CDH1: variants seen among roughly 807,000 people sequenced by gnomAD.
CDH1 encodes cadherin-1.
Under a neutral mutation model 84.5 loss-of-function variants are expected in CDH1, and 35 were observed. The ratio of observed to expected loss-of-function variants is 0.41; its 90% confidence interval spans 0.32 to 0.55. The LOEUF (loss-of-function observed/expected upper bound fraction) is 0.55. CDH1 is among the 20% of genes least tolerant of loss of function. The pLI, the probability that CDH1 is intolerant of heterozygous loss-of-function variation, is 0.19. For missense variants in CDH1, 994 were observed against 1,126.6 expected, an observed-to-expected ratio of 0.88 and a Z score of 1.68; for synonymous variants, 417 against 439.0, an observed-to-expected ratio of 0.95 and a Z score of 0.63.
At chr16:68,799,110 G>A (rs936917842) in intron 2 of CDH1, among the ~76,000 whole-genome samples, 2 of 152,198 alleles carry the variant, frequency 1.3e-5, no homozygotes, top group African/African-American at 4.8e-5. Context: ...GGCCCATAGA[G>A]GTTTAGCAAT....
At chr16:68,818,560 G>C (rs1184511818) in intron 10 of CDH1, among the ~76,000 whole-genome samples, 1 of 146,064 alleles carries the variant, frequency 6.8e-6, no homozygotes, top group Non-Finnish European at 1.5e-5. Flanking sequence ...TTTAAAGACG[G>C]AGTTTCGGCC....
At chr16:68,780,411 C>T (rs1476966546) in intron 2 of CDH1, among the ~76,000 whole-genome samples, 2 of 152,154 alleles carry the variant, frequency 1.3e-5, no homozygotes, top group African/African-American at 4.8e-5. Flanking sequence ...AAGTGATTCT[C>T]TCCTGCCTCA....
chr16:68,788,080 G>A (rs1960113395), intron 2 of CDH1, among the ~76,000 whole-genome samples: 1 of 152,126 alleles, frequency 6.6e-6, no homozygotes, highest in South Asian at 2.1e-4. Context: ...GCCCTCCTTG[G>A]CCTCCCAAAG....
chr16:68,815,642 C>G lies in CDH1; in HGVS notation c.1448C>G (p.Ala483Gly), dbSNP rs1960964468. 6.2e-7 allele frequency: 1 copy of G among 1,614,078 alleles called. No individual in the cohort carries two copies. Among genetic ancestry groups the G allele is most frequent in the Admixed American group, 1.7e-5 (1 of 60,002 alleles). ...GTGGATGTGCTGGATGTGAATGAAG[C>G]CCCCATCTTTGTGCCTCCTGAAAAG... ...VTVDVLDVNE[A>G]PIFVPPEKRV... The change falls in exon 10 of 16, where the codon GCC becomes GGC. Residue 483 changes from alanine to glycine, a missense_variant. Around this residue, in one of 3 missense-constraint regions of CDH1, gnomAD observed 769 missense variants for 881.8 expected, o/e 0.87. Coordinates refer to ENST00000261769, the MANE Select transcript of CDH1 (RefSeq NM_004360.5).
intron 3 of CDH1, among the ~76,000 whole-genome samples, chr16:68,802,772 A>G (rs570989182): frequency 6.6e-6 from 1 of 152,244 alleles, no homozygotes; most frequent in South Asian, 2.1e-4. Flanking sequence ...CGCCTGGCCA[A>G]GAGCTGGATT....
intron 2 of CDH1, among the ~76,000 whole-genome samples, chr16:68,762,951 A>T (rs940517697): frequency 2.0e-5 from 3 of 148,118 alleles, no homozygotes; most frequent in African/African-American, 5.0e-5. Flanking sequence ...AAAGCCCCAA[A>T]CCAGCTGAGC....
At position 68,787,814 on chromosome 16, in the gene CDH1, A is replaced by G. The variant is rs901244543; in HGVS notation, c.164-13856A>G. ...GCTGGGATTATAGACACCCACCACC[A>G]CGCCCGGCTAATTTTTTTTTTTTTT... is the stretch of plus-strand genomic sequence containing the variant. On this transcript the variant is annotated intron_variant, in intron 2 of 15. Transcript: ENST00000261769. Among the ~76,000 whole-genome samples, 7 of 124,030 alleles carry G rather than the reference A, an allele frequency of 5.6e-5. No homozygotes were observed. In the East Asian group the frequency reaches 1.6e-3, roughly 28 times the overall value. The allele number at this position is 124,030 out of a possible 152,430, so 81.4% of individuals were successfully genotyped here.
chr16:68,750,787 C>T (rs1334925656), intron 2 of CDH1, among the ~76,000 whole-genome samples: 2 of 151,182 alleles, frequency 1.3e-5, no homozygotes, highest in African/African-American at 2.4e-5. Context: ...TCACTTCAGC[C>T]TCGACCTCCC....
intron 2 of CDH1, among the ~76,000 whole-genome samples, chr16:68,744,757 T>C (rs1474589986): frequency 6.6e-6 from 1 of 152,150 alleles, no homozygotes; most frequent in Non-Finnish European, 1.5e-5. Flanking sequence ...CATAATAGCA[T>C]GGAGACATCA....
chr16:68,807,828 C>T (rs779211983), intron 3 of CDH1, among the ~76,000 whole-genome samples: 3 of 152,116 alleles, frequency 2.0e-5, no homozygotes, highest in Non-Finnish European at 4.4e-5. Flanking sequence ...TGCCTGTAAT[C>T]CCAGCATTTT....
chr16:68,820,953 T>G (rs1387859621), intron 11 of CDH1, among the ~76,000 whole-genome samples: 2 of 152,138 alleles, frequency 1.3e-5, no homozygotes, highest in East Asian at 3.9e-4. Flanking sequence ...TGAGTTAATT[T>G]TAAATGACGT....
In CDH1 at chr16:68,819,406, A is replaced by C. The variant is rs1060504168; in HGVS notation, c.1692A>C (p.Leu564=). Reference sequence around the variant, plus strand: ...TGAAGAACAGCACGTACACAGCCCTAATCATAGCTACAGACAATGGTAAGG... The same window carrying C: ...TGAAGAACAGCACGTACACAGCCCTCATCATAGCTACAGACAATGGTAAGG... The part of the protein sequence containing the change: ...EHVKNSTYTA[L]IIATDNGSPV... Residue 564 remains leucine (L), a synonymous_variant, in exon 11 of 16, where the codon CTA becomes CTC. Coordinates refer to ENST00000261769, the MANE Select transcript of CDH1 (RefSeq NM_004360.5). 1 of 1,613,626 alleles carries C rather than the reference A, an allele frequency of 6.2e-7. No individual in the cohort carries two copies. The highest frequency in any genetic ancestry group is 8.5e-7 in the Non-Finnish European group (1 of 1,180,016).
At chr16:68,798,855 G>A (rs1960427493) in intron 2 of CDH1, among the ~76,000 whole-genome samples, 1 of 152,130 alleles carries the variant, frequency 6.6e-6, no homozygotes, top group South Asian at 2.1e-4. Flanking sequence ...TTAAAAGGAT[G>A]GTATCTGCCC....
At chr16:68,774,926 A>G (rs970229911) in intron 2 of CDH1, among the ~76,000 whole-genome samples, 1 of 152,098 alleles carries the variant, frequency 6.6e-6, no homozygotes, top group Non-Finnish European at 1.5e-5. Flanking sequence ...CCATCCCCAA[A>G]ACTTCTAATT....
chr16:68,739,675 C>T (rs1255000632), intron 2 of CDH1, among the ~76,000 whole-genome samples: 1 of 134,704 alleles, frequency 7.4e-6, no homozygotes, highest in Non-Finnish European at 1.5e-5. Context: ...AGTGTAATGG[C>T]GTGATCTCGG....
rs1195980369 is a variant in CDH1 at position 68,801,661 on chromosome 16, G to A, written c.164-9G>A. 1 of 1,607,684 alleles carries A rather than the reference G, an allele frequency of 6.2e-7. No individual in the cohort carries two copies. Among genetic ancestry groups the A allele is most frequent in the African/African-American group, 1.3e-5 (1 of 74,898 alleles). On this transcript the variant is annotated splice_polypyrimidine_tract_variant and intron_variant, in intron 2 of 15. Transcript: ENST00000261769. ...CAATTTCCTAATCTCTGTGATTTCT[G>A]CCCTGCAGTGAATTTTGAAGATTGC...
chr16:68,802,199 G>T (rs987162531), intron 3 of CDH1, among the ~76,000 whole-genome samples: 1 of 152,216 alleles, frequency 6.6e-6, no homozygotes, highest in African/African-American at 2.4e-5. Context: ...TTTTTGGGGT[G>T]TGGGGATCGG....
At chr16:68,785,018 C>T (rs749785923) in intron 2 of CDH1, among the ~76,000 whole-genome samples, 48 of 151,396 alleles carry the variant, frequency 3.2e-4, no homozygotes, top group Non-Finnish European at 6.2e-4. Context: ...CACATGGACA[C>T]CATTGAAAAA....
chr16:68,739,379 C>T lies in CDH1; in HGVS notation c.163+968C>T, dbSNP rs559842136. Among the ~76,000 whole-genome samples the T allele has an allele frequency of 1.6e-4, 25 of 151,906 alleles. No homozygotes were observed. The East Asian group carries it at 4.3e-3, about 26-fold the overall frequency. On this transcript the variant is annotated intron_variant, in intron 2 of 15. Transcript: ENST00000261769. Reference sequence around the variant, plus strand: ...TTGCAGTGAGCTGAGATAGTGCCACCGCACTCCAACCTGGGTGACAGAGCA... The same window carrying T: ...TTGCAGTGAGCTGAGATAGTGCCACTGCACTCCAACCTGGGTGACAGAGCA...
Sources: gnomAD v4.1 joint callset for allele counts (sites outside exome capture counted in the v4.1 genomes callset) on GRCh38, gnomAD v4.1.1 for gene constraint, gnomAD v4.1.1 regional missense constraint, MANE v1.5 for transcripts, NCBI Gene and HGNC (gene_info 2026-07-23, HGNC 2026-07-21) for gene names.